The following SLTM variants were observed in gnomAD, a reference collection of about 807,000 sequenced individuals.
The protein encoded by SLTM is SAFB-like transcription modulator.
SLTM carries 43 observed loss-of-function variants against 134.6 expected under a neutral mutation model. The ratio of observed to expected loss-of-function variants is 0.32; its 90% CI spans 0.25 to 0.41. SLTM has a LOEUF of 0.41. Ranked by LOEUF, SLTM falls within the 10% of genes least tolerant of loss-of-function variation. SLTM has a pLI of 1.00. For missense variants in SLTM, 1,055 were observed against 1,288.8 expected (o/e 0.82, Z 2.78); for synonymous variants, 424 against 432.3 (o/e 0.98, Z 0.24).
chr15:58,886,218 AGTGTGT>A (rs60261686), intron 19 of SLTM, among the ~76,000 whole-genome samples: 6,039 of 124,424 alleles, frequency 0.049, 186 homozygotes, highest in African/African-American at 0.095. Context: ...GAAAAAGAAG[AGTGTGT>A]GTGTGTGTGT....
At chr15:58,926,362 A>T (rs1214807951) in intron 2 of SLTM, among the ~76,000 whole-genome samples, 1 of 152,062 alleles carries the variant, frequency 6.6e-6, no homozygotes, top group African/African-American at 2.4e-5. Flanking sequence ...GGGGGAAAAA[A>T]CCTTTAAACA....
chr15:58,929,099 T>C (rs2037683298), intron 2 of SLTM, among the ~76,000 whole-genome samples: 2 of 152,162 alleles, frequency 1.3e-5, no homozygotes. Flanking sequence ...GAAATTATTT[T>C]CAATGTAGAT....
At chr15:58,908,250 G>T (rs2036014176) in intron 5 of SLTM, among the ~76,000 whole-genome samples, 1 of 151,640 alleles carries the variant, frequency 6.6e-6, no homozygotes, top group South Asian at 2.1e-4. Flanking sequence ...TTGTAGAGAT[G>T]GGGGTTTGCC....
chr15:58,910,700 A>G (rs1417832832), intron 5 of SLTM, among the ~76,000 whole-genome samples: 2 of 151,930 alleles, frequency 1.3e-5, no homozygotes, highest in Admixed American at 1.3e-4. Context: ...GTAATCTAGA[A>G]AAGGTACTCT....
intron 20 of SLTM, among the ~76,000 whole-genome samples, chr15:58,881,685 A>G (rs1462710620): frequency 6.6e-6 from 1 of 152,204 alleles, no homozygotes; most frequent in Non-Finnish European, 1.5e-5. Context: ...CAACAGTTCA[A>G]TTTACAAATG....
intron 2 of SLTM, among the ~76,000 whole-genome samples, chr15:58,926,800 G>C (rs1237932379): frequency 3.9e-5 from 6 of 152,018 alleles, no homozygotes; most frequent in Admixed American, 2.0e-4. Flanking sequence ...TTTTAGTAGA[G>C]AGGGGGTTTC....
At chr15:58,898,998 A>T in intron 7 of SLTM, 146 bp from the exon 8 acceptor site, 1 of 572,218 alleles carries the variant, frequency 1.7e-6, no homozygotes, top group Non-Finnish European at 3.1e-6. Flanking sequence ...TATTTGAACA[A>T]ATGACTCCCT....
At chr15:58,913,251 G>C (rs940102718) in intron 4 of SLTM, among the ~76,000 whole-genome samples, 1 of 151,952 alleles carries the variant, frequency 6.6e-6, no homozygotes, top group South Asian at 2.1e-4. Context: ...GAAATTATAC[G>C]TCATGTGAAA....
At chr15:58,925,710 G>A (rs1159398145) in intron 2 of SLTM, among the ~76,000 whole-genome samples, 2 of 152,072 alleles carry the variant, frequency 1.3e-5, no homozygotes, top group East Asian at 1.9e-4. Context: ...TATGCCAAAG[G>A]TATATTTTTC....
chr15:58,923,680 A>G (rs1261042255), intron 2 of SLTM, among the ~76,000 whole-genome samples: 1 of 152,196 alleles, frequency 6.6e-6, no homozygotes, highest in Admixed American at 6.5e-5. Flanking sequence ...CAGCAAATCA[A>G]CTAAATAGTT....
At chr15:58,912,703 G>T in intron 4 of SLTM, 93 bp from the exon 5 acceptor site, 1 of 1,029,356 alleles carries the variant, frequency 9.7e-7, no homozygotes, top group Non-Finnish European at 1.5e-6. Flanking sequence ...CATTTGCCTT[G>T]TGTTCTGTAT....
chr15:58,899,486 G>C lies in SLTM; in HGVS notation c.1041C>G (p.Ala347=). ...AAACAAACCTCTTTGCTTGACCAGA[G>C]GCCCCAGTAGACGAGGGCCCTTTCT... ...TLKKGPSSTG[A]SGQAKSSSKE... The change falls in exon 7 of 21, where the codon GCC becomes GCG. Residue 347 remains alanine, a synonymous_variant. Coordinates refer to ENST00000380516, the MANE Select transcript of SLTM (RefSeq NM_024755.4). The surrounding 1 kb of genome is among the most constrained non-coding windows in gnomAD (Gnocchi z 5.0). 1.2e-6 allele frequency: 2 copies of C among 1,613,936 alleles called. No individual in the cohort carries two copies. The highest frequency in any genetic ancestry group is 2.2e-5 in the East Asian group (1 of 44,870).
chr15:58,924,190 T>C (rs1452751724), intron 2 of SLTM, among the ~76,000 whole-genome samples: 2 of 152,068 alleles, frequency 1.3e-5, no homozygotes, highest in African/African-American at 2.4e-5. Flanking sequence ...AATAACAAAA[T>C]AAAAAATGAA....
At chr15:58,889,385 A>G in intron 16 of SLTM, 45 bp downstream of exon 16, 1 of 1,609,240 alleles carries the variant, frequency 6.2e-7, no homozygotes, top group Non-Finnish European at 8.5e-7. Flanking sequence ...CCTAAAGGGA[A>G]TAAAACAGCA....
At chr15:58,897,006 C>G in intron 9 of SLTM, 109 bp downstream of exon 9, 1 of 708,082 alleles carries the variant, frequency 1.4e-6, no homozygotes, top group Non-Finnish European at 2.5e-6. Flanking sequence ...ATTAACAGTC[C>G]TAAGAGATAC....
chr15:58,904,536 C>T (rs2035733566), intron 5 of SLTM, among the ~76,000 whole-genome samples: 1 of 149,916 alleles, frequency 6.7e-6, no homozygotes, highest in South Asian at 2.2e-4. Flanking sequence ...TTATACTGTG[C>T]TCTAAGAATT....
chr15:58,933,493 G>A lies in SLTM; in HGVS notation c.73C>T (p.Leu25=), dbSNP rs2038048935. 5.6e-6 allele frequency: 9 copies of A among 1,600,748 alleles called. No homozygotes were observed. The highest frequency in any genetic ancestry group is 7.7e-6 in the Non-Finnish European group (9 of 1,174,286). ...TCGGACTTCAGATCGATGACCCGCAGATCGGTGATCTTTTTACCTTCCGCC... is the reference window on the plus strand; with the variant it reads ...TCGGACTTCAGATCGATGACCCGCAAATCGGTGATCTTTTTACCTTCCGCC... ...GQAEGKKITD[L]RVIDLKSELK... is the part of the protein sequence containing the mutation. Residue 25 remains leucine (L), a synonymous_variant, in exon 1 of 21, where the codon CTG becomes TTG. Coordinates refer to ENST00000380516, the MANE Select transcript of SLTM (RefSeq NM_024755.4).
intron 3 of SLTM, chr15:58,916,572 T>G: frequency 5.6e-6 from 1 of 177,866 alleles, no homozygotes; most frequent in Admixed American, 6.0e-5. Flanking sequence ...ATACAAAAGC[T>G]AAATGCAATG....
intron 2 of SLTM, among the ~76,000 whole-genome samples, chr15:58,919,644 C>T (rs1199509185): frequency 6.6e-6 from 1 of 151,936 alleles, no homozygotes; most frequent in Non-Finnish European, 1.5e-5. Flanking sequence ...GCAAAATAAA[C>T]CAAAACATCA....
Sources: gnomAD v4.1 joint callset for allele counts (sites outside exome capture counted in the v4.1 genomes callset) on GRCh38, gnomAD v4.1.1 for gene constraint, Gnocchi (gnomAD v3.1) non-coding constraint, MANE v1.5 for transcripts, NCBI Gene and HGNC (gene_info 2026-07-23, HGNC 2026-07-21) for gene names.